The following FAM184A variants were observed in gnomAD, a reference collection of about 807,000 sequenced individuals.
FAM184A encodes the protein protein FAM184A.
Under a neutral mutation model 143.8 loss-of-function variants are expected in FAM184A, and 99 were observed. That is an observed-to-expected ratio of 0.69 (90% CI 0.58 to 0.81). The LOEUF (loss-of-function observed/expected upper bound fraction) is 0.81. FAM184A is among the 40% of genes least tolerant of loss of function. The pLI is 0.00. For synonymous variants in FAM184A, 427 were observed against 446.4 expected, an observed-to-expected ratio of 0.96 and a Z score of 0.55; for missense variants, 1,217 against 1,310.5, an observed-to-expected ratio of 0.93 and a Z score of 1.10.
intron 9 of FAM184A, among the ~76,000 whole-genome samples, chr6:118,988,058 TTG>T (rs1170772950): frequency 6.6e-6 from 1 of 152,176 alleles, no homozygotes; most frequent in Non-Finnish European, 1.5e-5. Context: ...TGTGTACAAA[TTG>T]TAAGTGCCGC....
intron 1 of FAM184A, among the ~76,000 whole-genome samples, chr6:119,060,841 G>A (rs749293485): frequency 5.9e-5 from 9 of 152,024 alleles, no homozygotes; most frequent in East Asian, 1.9e-4. Flanking sequence ...GTGTTCCATC[G>A]TGAGTAAAAG....
At chr6:118,994,557 G>A (rs12216130) in intron 9 of FAM184A, among the ~76,000 whole-genome samples, 20,131 of 151,720 alleles carry the variant, frequency 0.13, 1,552 homozygotes, top group Non-Finnish European at 0.17. Flanking sequence ...ATGGTTGCGC[G>A]CACCTGTAGT....
At chr6:119,001,254 C>T (rs1784747297) in intron 9 of FAM184A, among the ~76,000 whole-genome samples, 1 of 150,896 alleles carries the variant, frequency 6.6e-6, no homozygotes, top group Non-Finnish European at 1.5e-5. Context: ...GCAACAGCTA[C>T]TTGCCAGTTT....
chr6:119,081,069 C>A (rs1484462587), upstream of FAM184A, among the ~76,000 whole-genome samples: 4 of 152,160 alleles, frequency 2.6e-5, no homozygotes. Context: ...AACTCACTGT[C>A]ATGAGAACAC....
chr6:118,962,207 G>A (rs1438614882), intron 16 of FAM184A: 3 of 508,696 alleles, frequency 5.9e-6, no homozygotes, highest in Non-Finnish European at 1.1e-5. Flanking sequence ...AAACATTTAG[G>A]AGTCATTCAC....
intron 1 of FAM184A, among the ~76,000 whole-genome samples, chr6:119,041,896 A>G (rs1228206461): frequency 6.6e-6 from 1 of 152,126 alleles, no homozygotes; most frequent in African/African-American, 2.4e-5. Context: ...TAATAGAGGT[A>G]TAACACTCAC....
intron 1 of FAM184A, among the ~76,000 whole-genome samples, chr6:119,069,313 A>C (rs967328680): frequency 5.3e-5 from 8 of 152,060 alleles, no homozygotes; most frequent in African/African-American, 1.9e-4. Flanking sequence ...ACACACACAC[A>C]CCTTCCTCCC....
chr6:118,966,431 T>C (rs2114540727), intron 15 of FAM184A, among the ~76,000 whole-genome samples: 2 of 152,262 alleles, frequency 1.3e-5, no homozygotes, highest in Non-Finnish European at 2.9e-5. Context: ...TTTTAGGAAA[T>C]CAATATGCTC....
At chr6:119,049,254 C>A (rs541392329) in intron 1 of FAM184A, among the ~76,000 whole-genome samples, 1 of 152,276 alleles carries the variant, frequency 6.6e-6, no homozygotes, top group Non-Finnish European at 1.5e-5. Context: ...TCGAGACCAG[C>A]CTGGCCAACA....
chr6:119,009,423 G>A (rs765612897), intron 6 of FAM184A: 4 of 153,462 alleles, frequency 2.6e-5, no homozygotes, highest in Non-Finnish European at 4.3e-5. Context: ...TAAAAAATGG[G>A]AGTTTCTCTG....
At chr6:119,086,979 C>T (rs1788239917) in intron 1 of FAM184A, among the ~76,000 whole-genome samples, 1 of 152,144 alleles carries the variant, frequency 6.6e-6, no homozygotes, top group Admixed American at 6.5e-5. Flanking sequence ...GAACAGAGAG[C>T]TGTCAAGTTT....
chr6:119,131,937 C>G (rs893134490), intron 1 of FAM184A, among the ~76,000 whole-genome samples: 1 of 152,124 alleles, frequency 6.6e-6, no homozygotes, highest in Non-Finnish European at 1.5e-5. Context: ...AATTTATTCT[C>G]AAACTAACAT....
At chr6:119,053,113 G>T (rs1180704500) in intron 1 of FAM184A, among the ~76,000 whole-genome samples, 1 of 152,178 alleles carries the variant, frequency 6.6e-6, no homozygotes, top group Non-Finnish European at 1.5e-5. Context: ...CCTTGGGCTG[G>T]AGAACTGATA....
chr6:119,057,522 T>A (rs1328978952), intron 1 of FAM184A, among the ~76,000 whole-genome samples: 1 of 152,140 alleles, frequency 6.6e-6, no homozygotes, highest in Non-Finnish European at 1.5e-5. Context: ...GAGGATTGCC[T>A]GAGGTCAGGA....
At chr6:119,089,789 A>G (rs946246128) in intron 1 of FAM184A, among the ~76,000 whole-genome samples, 2 of 152,202 alleles carry the variant, frequency 1.3e-5, no homozygotes, top group Non-Finnish European at 1.5e-5. Flanking sequence ...ATTGGTAAAC[A>G]TCGTTATAAA....
upstream of FAM184A, among the ~76,000 whole-genome samples, chr6:119,080,792 T>A (rs1788039700): frequency 6.6e-6 from 1 of 152,214 alleles, no homozygotes; most frequent in Non-Finnish European, 1.5e-5. Flanking sequence ...TTTGGGATGC[T>A]CGGTTGGTAA....
chr6:119,083,210 C>T (rs528600819), upstream of FAM184A, among the ~76,000 whole-genome samples: 5 of 152,342 alleles, frequency 3.3e-5, no homozygotes, highest in South Asian at 2.1e-4. Flanking sequence ...GCCCAGCCCA[C>T]GAAACCATTT....
intron 1 of FAM184A, chr6:119,031,557 T>C (rs1312009115): frequency 6.6e-6 from 1 of 152,238 alleles, no homozygotes; most frequent in Non-Finnish European, 1.5e-5. Context: ...TCCAGGTTAT[T>C]ACATTATGGC....
At chr6:119,088,620 T>C (rs1788289606) in intron 1 of FAM184A, among the ~76,000 whole-genome samples, 1 of 152,014 alleles carries the variant, frequency 6.6e-6, no homozygotes, top group Admixed American at 6.6e-5. Flanking sequence ...TTCTTCGGGG[T>C]TGGCCAGGTG....
Sources: gnomAD v4.1 joint callset for allele counts (sites outside exome capture counted in the v4.1 genomes callset) on GRCh38, gnomAD v4.1.1 for gene constraint, MANE v1.5 for transcripts, NCBI Gene and HGNC (gene_info 2026-07-23, HGNC 2026-07-21) for gene names.